The following EIF4G3 variants were observed in gnomAD, a reference collection of about 807,000 sequenced individuals.
The protein encoded by EIF4G3 is eIF-4-gamma 3.
In EIF4G3, 34 loss-of-function variants were observed where a neutral mutation model predicts 186.4. The observed-to-expected ratio is 0.18, with a 90% CI of 0.14 to 0.24. The LOEUF is 0.24. Among genes scored for constraint, EIF4G3 ranks in the 10% least tolerant of loss-of-function variants. The probability of loss-of-function intolerance (pLI) is 1.00; values close to 1 mark genes in which losing one functional copy is unlikely to be tolerated. For missense variants in EIF4G3, 1,536 were observed against 1,948.5 expected (o/e 0.79, Z 3.99); for synonymous variants, 673 against 679.5 (o/e 0.99, Z 0.15).
At chr1:20,858,926 G>C (rs181991727) in intron 24 of EIF4G3, among the ~76,000 whole-genome samples, 4 of 152,326 alleles carry the variant, frequency 2.6e-5, no homozygotes, top group Admixed American at 2.0e-4. Context: ...AATCCGGGAG[G>C]CGGAGGTTGC....
chr1:20,865,847 T>C (rs555920935), intron 20 of EIF4G3, among the ~76,000 whole-genome samples: 2 of 152,336 alleles, frequency 1.3e-5, no homozygotes, highest in Admixed American at 6.5e-5. Flanking sequence ...CATGAGAATA[T>C]ACTAGTTCTC....
intron 6 of EIF4G3, chr1:20,999,834 CTTTCTTTTTTCT>C: frequency 1.8e-5 from 7 of 384,656 alleles, no homozygotes; most frequent in South Asian, 9.6e-5. Context: ...AGAAATTTTT[CTTTCTTTTTTCT>C]TTTCTTTTTG....
chr1:20,986,765 A>AAAAAAG, intron 7 of EIF4G3, among the ~76,000 whole-genome samples: 1 of 150,054 alleles, frequency 6.7e-6, no homozygotes, highest in African/African-American at 2.4e-5. Context: ...AAAAAAAAAA[A>AAAAAAG]AAAAAAGAAA....
At chr1:21,160,883 G>T (rs2097755964) in intron 2 of EIF4G3, among the ~76,000 whole-genome samples, 1 of 152,168 alleles carries the variant, frequency 6.6e-6, no homozygotes, top group African/African-American at 2.4e-5. Context: ...AGTCATGGCA[G>T]GAAAAGCATT....
chr1:20,989,350 G>C (rs1212308788), intron 7 of EIF4G3, among the ~76,000 whole-genome samples: 1 of 151,174 alleles, frequency 6.6e-6, no homozygotes, highest in Non-Finnish European at 1.5e-5. Flanking sequence ...GAGGTCCCGA[G>C]TTCGAGACCA....
chr1:20,997,620 G>A lies in EIF4G3; in HGVS notation c.158C>T (p.Pro53Leu). The change falls in exon 7 of 37, where the codon CCT becomes CTT. Residue 53 changes from proline to leucine, a missense_variant. By Grantham distance (98) the Pro-to-Leu change is moderately conservative. Around this residue, in one of 11 missense-constraint regions of EIF4G3, gnomAD observed 194 missense variants for 212.8 expected, o/e 0.91. Transcript: ENST00000602326. ...CAGTACCTGATGATGGGGAGGTCGAGGCCCCGCTGCAAACTGAGAAAAGGA... is the reference window on the plus strand; with the variant it reads ...CAGTACCTGATGATGGGGAGGTCGAAGCCCCGCTGCAAACTGAGAAAAGGA... Reference protein sequence around the residue: ...WIKYCIFAAGPRPPHHQGGFR... With the variant: ...WIKYCIFAAGLRPPHHQGGFR... 6.5e-7 allele frequency: 1 copy of A among 1,545,774 alleles called. No individual in the cohort carries two copies. Among genetic ancestry groups the A allele is most frequent in the African/African-American group, 1.4e-5 (1 of 72,720 alleles).
chr1:21,115,017 T>A (rs1302947125), intron 2 of EIF4G3, among the ~76,000 whole-genome samples: 1 of 152,208 alleles, frequency 6.6e-6, no homozygotes. Context: ...AACCTTTTTT[T>A]AATTTACAAT....
intron 2 of EIF4G3, among the ~76,000 whole-genome samples, chr1:21,115,064 C>T (rs980192834): frequency 6.6e-6 from 1 of 152,144 alleles, no homozygotes; most frequent in Non-Finnish European, 1.5e-5. Flanking sequence ...AAAATGTATA[C>T]AAAATAAGGG....
At chr1:20,896,065 G>C (rs185155971) in intron 16 of EIF4G3, among the ~76,000 whole-genome samples, 1 of 152,146 alleles carries the variant, frequency 6.6e-6, no homozygotes, top group Admixed American at 6.5e-5. Context: ...TATAGGCCTA[G>C]GCTAATATAT....
At chr1:20,892,986 T>A (rs113480664) in intron 18 of EIF4G3, 1 of 397,480 alleles carries the variant, frequency 2.5e-6, no homozygotes, top group Non-Finnish European at 4.5e-6. Context: ...TGGCTCACTG[T>A]AGCCTGGACC....
intron 14 of EIF4G3, among the ~76,000 whole-genome samples, chr1:20,931,372 G>A (rs1252074710): frequency 6.6e-6 from 1 of 152,154 alleles, no homozygotes; most frequent in Non-Finnish European, 1.5e-5. Flanking sequence ...CTGGGCAGTA[G>A]GTCTCTACAG....
intron 29 of EIF4G3, among the ~76,000 whole-genome samples, chr1:20,846,066 T>C (rs1249845993): frequency 1.3e-5 from 2 of 152,190 alleles, no homozygotes; most frequent in Admixed American, 6.5e-5. Context: ...TTTGTGGCAA[T>C]TGTGAATGGG....
At chr1:20,869,557 C>T (rs1040502592) in intron 20 of EIF4G3, among the ~76,000 whole-genome samples, 1 of 151,486 alleles carries the variant, frequency 6.6e-6, no homozygotes. Context: ...GGGTGGATCA[C>T]GAGGTCAGGA....
chr1:21,149,855 A>G (rs998981931), intron 2 of EIF4G3, among the ~76,000 whole-genome samples: 4 of 152,240 alleles, frequency 2.6e-5, no homozygotes, highest in East Asian at 1.9e-4. Context: ...CATTCTGGAC[A>G]TGTATCTGTC....
At chr1:21,143,447 A>G (rs933902566) in intron 2 of EIF4G3, among the ~76,000 whole-genome samples, 9 of 152,180 alleles carry the variant, frequency 5.9e-5, no homozygotes, top group Non-Finnish European at 8.8e-5. Flanking sequence ...AGTATACAAC[A>G]TTTTAGTTAA....
chr1:20,827,386 A>T (rs2063908651), intron 32 of EIF4G3, among the ~76,000 whole-genome samples: 1 of 152,182 alleles, frequency 6.6e-6, no homozygotes, highest in Non-Finnish European at 1.5e-5. Context: ...ATAAAACATG[A>T]CTTGAGATTC....
At chr1:20,985,061 C>T (rs1344257504) in intron 7 of EIF4G3, among the ~76,000 whole-genome samples, 1 of 152,164 alleles carries the variant, frequency 6.6e-6, no homozygotes, top group Non-Finnish European at 1.5e-5. Context: ...TTAACTGTTA[C>T]ACATATTACC....
intron 2 of EIF4G3, among the ~76,000 whole-genome samples, chr1:21,100,116 A>G (rs747651048): frequency 6.6e-6 from 1 of 152,196 alleles, no homozygotes; most frequent in African/African-American, 2.4e-5. Context: ...CAAAGACTGT[A>G]TATCATGTGA....
intron 28 of EIF4G3, among the ~76,000 whole-genome samples, chr1:20,850,583 G>A (rs1375090505): frequency 6.6e-6 from 1 of 152,162 alleles, no homozygotes; most frequent in Non-Finnish European, 1.5e-5. Flanking sequence ...GTTTTCCATT[G>A]CTATATTCGT....
Sources: gnomAD v4.1 joint callset for allele counts (sites outside exome capture counted in the v4.1 genomes callset) on GRCh38, gnomAD v4.1.1 for gene constraint, gnomAD v4.1.1 regional missense constraint, MANE v1.5 for transcripts, NCBI Gene and HGNC (gene_info 2026-07-23, HGNC 2026-07-21) for gene names.